The following CHST15 variants were observed in gnomAD, a reference collection of about 807,000 sequenced individuals.
The protein encoded by CHST15 is carbohydrate sulfotransferase 15, also known as B cell RAG associated protein (GALNAC4S-6ST).
A neutral mutation model predicts 53.6 loss-of-function variants in CHST15; 30 were observed. The ratio of observed to expected loss-of-function variants is 0.56; its 90% CI spans 0.42 to 0.76. CHST15 has a LOEUF of 0.76. Among genes scored for constraint, CHST15 ranks in the 30% least tolerant of loss-of-function variants. The probability of loss-of-function intolerance (pLI) is 0.00; values close to 1 mark genes in which losing one functional copy is unlikely to be tolerated. For missense variants in CHST15, 627 were observed against 740.5 expected, an observed-to-expected ratio of 0.85 and a Z score of 1.78; for synonymous variants, 296 against 289.8, an observed-to-expected ratio of 1.02 and a Z score of -0.22.
At chr10:124,020,401 G>C in intron 6 of CHST15, 1 of 985,442 alleles carries the variant, frequency 1.0e-6, no homozygotes, top group Non-Finnish European at 1.2e-6. Context: ...CATCTTCCTT[G>C]CCAAACTACA....
intron 1 of CHST15, among the ~76,000 whole-genome samples, chr10:124,061,596 T>C (rs1035685807): frequency 6.6e-6 from 1 of 152,240 alleles, no homozygotes; most frequent in African/African-American, 2.4e-5. Flanking sequence ...GGCTATGCTT[T>C]CTGTTTACAC....
chr10:124,066,025 G>A (rs1948741140), intron 1 of CHST15, among the ~76,000 whole-genome samples: 1 of 148,164 alleles, frequency 6.7e-6, no homozygotes, highest in African/African-American at 2.5e-5. Flanking sequence ...CTAAAAACCC[G>A]AATTCTTCTG....
At chr10:124,042,626 C>T (rs1384089760) in intron 3 of CHST15, among the ~76,000 whole-genome samples, 179 bp from the exon 4 acceptor site, 3 of 152,248 alleles carry the variant, frequency 2.0e-5, no homozygotes, top group Middle Eastern at 3.4e-3. Flanking sequence ...GGGGTCTATG[C>T]GGCCTGGCTA....
At chr10:124,058,512 C>A (rs1300758044) in intron 1 of CHST15, among the ~76,000 whole-genome samples, 1 of 152,220 alleles carries the variant, frequency 6.6e-6, no homozygotes, top group Non-Finnish European at 1.5e-5. Flanking sequence ...GTCTGTGTGG[C>A]TGCAAAGCCT....
At chr10:124,016,274 T>TG (rs1946582905) in intron 6 of CHST15, among the ~76,000 whole-genome samples, 1 of 151,892 alleles carries the variant, frequency 6.6e-6, no homozygotes, top group South Asian at 2.1e-4. Flanking sequence ...GGGCCCAGGG[T>TG]GCCTTACAAA....
chr10:124,080,419 T>A (rs1949198295), intron 1 of CHST15, among the ~76,000 whole-genome samples: 1 of 152,208 alleles, frequency 6.6e-6, no homozygotes, highest in African/African-American at 2.4e-5. Flanking sequence ...AGCTGGTCAC[T>A]CCAGCACATG....
At chr10:124,057,860 G>A (rs935298932) in intron 1 of CHST15, among the ~76,000 whole-genome samples, 1 of 152,038 alleles carries the variant, frequency 6.6e-6, no homozygotes, top group African/African-American at 2.4e-5. Flanking sequence ...CCGAGATATG[G>A]GCCAAACACA....
chr10:124,091,339 GGGA>G (rs147851463), intron 1 of CHST15, among the ~76,000 whole-genome samples: 1,820 of 152,302 alleles, frequency 0.012, 23 homozygotes, highest in Non-Finnish European at 0.016. Context: ...TGCCGGTCCT[GGGA>G]GGAGAAGCAG....
At chr10:124,012,208 C>A (rs1220708317) in intron 7 of CHST15, 125 bp downstream of exon 7, 9 of 1,088,750 alleles carry the variant, frequency 8.3e-6, no homozygotes. Context: ...GAAGGACATC[C>A]CCAGGCCTCC....
At chr10:124,028,271 T>C (rs1947087772) in intron 5 of CHST15, among the ~76,000 whole-genome samples, 1 of 152,178 alleles carries the variant, frequency 6.6e-6, no homozygotes, top group East Asian at 1.9e-4. Context: ...CTAATATTCC[T>C]TGGTGATCGC....
rs1387000040 is a variant in CHST15 at position 124,020,953 on chromosome 10, G to A, written c.1347+303C>T. Reference sequence around the variant, plus strand: ...AGAGTTGGGTGTCCTCATGTCTGCCGATTCTAATTGCTGGGTGTCTTGCTA... The same window carrying A: ...AGAGTTGGGTGTCCTCATGTCTGCCAATTCTAATTGCTGGGTGTCTTGCTA... On this transcript the variant is annotated intron_variant, in intron 6 of 7. Coordinates refer to ENST00000435907, the MANE Select transcript of CHST15 (RefSeq NM_001270764.2). The A allele has an allele frequency of 8.3e-5, 116 of 1,389,978 alleles. 4 individuals carry two copies. The South Asian group carries it at 1.7e-3, about 20-fold the overall frequency. The allele number at this position is 1,389,978 out of a possible 1,614,324, so 86.1% of individuals were successfully genotyped here. A position where few individuals can be genotyped will look rare whatever the true frequency, so the allele number is the denominator to read the frequency against.
chr10:124,086,873 G>A (rs1016252143), intron 1 of CHST15, among the ~76,000 whole-genome samples: 3 of 152,144 alleles, frequency 2.0e-5, no homozygotes, highest in African/African-American at 7.2e-5. Flanking sequence ...ACAGTAATGG[G>A]ACGAAGCAGC....
intron 1 of CHST15, among the ~76,000 whole-genome samples, chr10:124,085,016 C>T (rs1185929995): frequency 1.3e-5 from 2 of 152,194 alleles, no homozygotes; most frequent in South Asian, 2.1e-4. Flanking sequence ...GTAATCCTGG[C>T]GGTTCCTTCC....
intron 2 of CHST15, among the ~76,000 whole-genome samples, chr10:124,045,126 A>AAAAAAAAAAC (rs1947931296): frequency 7.8e-6 from 1 of 128,664 alleles, no homozygotes; most frequent in Non-Finnish European, 1.6e-5. Context: ...AAAAAAAAAA[A>AAAAAAAAAAC]AAAAAAAAAA....
intron 1 of CHST15, among the ~76,000 whole-genome samples, chr10:124,058,949 C>T (rs201629521): frequency 3.9e-5 from 6 of 152,178 alleles, no homozygotes; most frequent in African/African-American, 1.4e-4. Context: ...AGTACAATTA[C>T]TACTTACATT....
intron 1 of CHST15, among the ~76,000 whole-genome samples, chr10:124,054,849 T>C (rs955683160): frequency 1.3e-5 from 2 of 152,192 alleles, no homozygotes; most frequent in African/African-American, 4.8e-5. Context: ...TCCCAAAACA[T>C]GCCAAATTGA....
chr10:124,081,650 C>T (rs1949244280), intron 1 of CHST15, among the ~76,000 whole-genome samples: 1 of 152,164 alleles, frequency 6.6e-6, no homozygotes, highest in Admixed American at 6.5e-5. Flanking sequence ...GAGAACACTC[C>T]AGCCACAAAA....
chr10:124,009,570 G>C lies in CHST15; in HGVS notation c.*579C>G. ...AAAAAAATGAAGAGCCTCCATTCTC[G>C]AAAGACTGCGGTTCTCTGTCCCAGT... On this transcript the variant is annotated 3_prime_UTR_variant, in exon 8 of 8. Coordinates refer to ENST00000435907, the MANE Select transcript of CHST15 (RefSeq NM_001270764.2). 1 of 988,760 alleles carries C rather than the reference G, an allele frequency of 1.0e-6. No homozygotes were observed. The highest frequency in any genetic ancestry group is 4.6e-5 in the South Asian group (1 of 21,606). 61.2% of individuals were successfully genotyped at this position (988,760 alleles called of 1,614,324 possible). A position where few individuals can be genotyped will look rare whatever the true frequency, so the allele number is the denominator to read the frequency against.
chr10:124,084,810 A>G (rs1398764667), intron 1 of CHST15, among the ~76,000 whole-genome samples: 1 of 152,220 alleles, frequency 6.6e-6, no homozygotes, highest in Non-Finnish European at 1.5e-5. Context: ...AGCCAGCTGC[A>G]GCCAAATCCC....
Sources: gnomAD v4.1 joint callset for allele counts (sites outside exome capture counted in the v4.1 genomes callset) on GRCh38, gnomAD v4.1.1 for gene constraint, MANE v1.5 for transcripts, NCBI Gene and HGNC (gene_info 2026-07-23, HGNC 2026-07-21) for gene names.